Variants in SLC1A2 observed in about 807,000 individuals in gnomAD.
SLC1A2 encodes solute carrier family 1 member 2.
In SLC1A2, 15 loss-of-function variants were observed where a neutral mutation model predicts 48.8. That is an observed-to-expected ratio of 0.31 (90% CI 0.21 to 0.47). The LOEUF is 0.47. SLC1A2 is among the 20% of genes least tolerant of loss of function. The pLI is 0.99. For missense variants in SLC1A2, 502 were observed against 730.5 expected, an observed-to-expected ratio of 0.69 and a Z score of 3.61; for synonymous variants, 279 against 272.6, an observed-to-expected ratio of 1.02 and a Z score of -0.23.
chr11:35,391,914 G>A (rs1854781738), intron 1 of SLC1A2, among the ~76,000 whole-genome samples: 1 of 152,128 alleles, frequency 6.6e-6, no homozygotes, highest in East Asian at 1.9e-4. Context: ...AGGAAAGATT[G>A]CAAATATTTA....
intron 1 of SLC1A2, among the ~76,000 whole-genome samples, chr11:35,412,557 A>T (rs1456007939): frequency 6.6e-6 from 1 of 152,178 alleles, no homozygotes; most frequent in African/African-American, 2.4e-5. Flanking sequence ...ACACAGAAAT[A>T]CGCCTCTGAA....
At chr11:35,418,893 G>T in intron 1 of SLC1A2, 57 bp downstream of exon 1, 3 of 1,506,488 alleles carry the variant, frequency 2.0e-6, no homozygotes, top group Non-Finnish European at 2.7e-6. Flanking sequence ...GGATAGGGGC[G>T]CCACCACCCC....
In SLC1A2 at chr11:35,254,517, T is replaced by C; in HGVS notation, c.*6377A>G. On this transcript the variant is annotated 3_prime_UTR_variant, in exon 11 of 11. Transcript: ENST00000278379. ...GACCAACTTCCTTGGCTAGTGTGTG[T>C]ATTTGCCCCCTAGCAAAGGCAACAG... The C allele has an allele frequency of 3.4e-6, 1 of 294,034 alleles. No homozygotes were observed. Among genetic ancestry groups the C allele is most frequent in the South Asian group, 3.1e-5 (1 of 32,756 alleles). The allele number at this position is 294,034 out of a possible 1,614,324, so 18.2% of individuals were successfully genotyped here.
At chr11:35,365,277 G>A (rs936042702) in intron 1 of SLC1A2, among the ~76,000 whole-genome samples, 2 of 152,142 alleles carry the variant, frequency 1.3e-5, no homozygotes, top group Non-Finnish European at 2.9e-5. Flanking sequence ...ACTCCTCTAA[G>A]TGCCTCCAAA....
chr11:35,267,632 G>C (rs559057022), intron 9 of SLC1A2, among the ~76,000 whole-genome samples: 2 of 152,196 alleles, frequency 1.3e-5, no homozygotes, highest in Admixed American at 6.5e-5. Context: ...CTAACTAGCT[G>C]ACCTATTTGT....
At chr11:35,404,833 G>A (rs115855907) in intron 1 of SLC1A2, among the ~76,000 whole-genome samples, 2,391 of 152,296 alleles carry the variant, frequency 0.016, 61 homozygotes, top group African/African-American at 0.055. Context: ...TATATGCTTG[G>A]TTCTCGCAAC....
rs193165257 is a variant in SLC1A2, at chr11:35,347,080, G to A, written c.18-29564C>T. Among the ~76,000 whole-genome samples, 10 of 152,346 alleles carry A rather than the reference G, an allele frequency of 6.6e-5. No individual in the cohort carries two copies. The East Asian group carries it at 1.9e-3, about 29-fold the overall frequency. Reference sequence around the variant, plus strand: ...CTACTTTAAAAAGCTAGAAAAAGCTGAGGGAAGAAATTAGCTCTCCAACTG... The same window carrying A: ...CTACTTTAAAAAGCTAGAAAAAGCTAAGGGAAGAAATTAGCTCTCCAACTG... On this transcript the variant is annotated intron_variant, in intron 1 of 10. Coordinates refer to ENST00000278379, the MANE Select transcript of SLC1A2 (RefSeq NM_004171.4).
Position 35,254,884 on chromosome 11 carries a change from C to A in SLC1A2, c.*6010G>T. On this transcript the variant is annotated 3_prime_UTR_variant, in exon 11 of 11. Transcript: ENST00000278379. The stretch of plus-strand genomic sequence containing the variant: ...CTGGAGGTTGGAAAGTGAAGCAAGG[C>A]TGGACATAGAAAAAAACTGATCAGT... 4.6e-6 allele frequency: 2 copies of A among 437,982 alleles called. No individual in the cohort carries two copies. The highest frequency in any genetic ancestry group is 9.1e-6 in the Non-Finnish European group (2 of 220,710). 27.1% of individuals were successfully genotyped at this position (437,982 alleles called of 1,614,324 possible). A position where few individuals can be genotyped will look rare whatever the true frequency, so the allele number is the denominator to read the frequency against.
chr11:35,417,656 T>C (rs1357096220), intron 1 of SLC1A2, among the ~76,000 whole-genome samples: 1 of 152,124 alleles, frequency 6.6e-6, no homozygotes. Context: ...ATCAAAAAAG[T>C]CTAAACTGCA....
At chr11:35,374,991 A>G (rs1162532109) in intron 1 of SLC1A2, among the ~76,000 whole-genome samples, 1 of 152,210 alleles carries the variant, frequency 6.6e-6, no homozygotes, top group Non-Finnish European at 1.5e-5. Context: ...AAATTTTACC[A>G]TAGTTTAATT....
chr11:35,344,021 G>T (rs964588214), intron 1 of SLC1A2, among the ~76,000 whole-genome samples: 1 of 151,958 alleles, frequency 6.6e-6, no homozygotes, highest in Non-Finnish European at 1.5e-5. Flanking sequence ...GCCCCACTGA[G>T]AACTCAGATC....
chr11:35,279,997 C>T (rs1306035099), intron 9 of SLC1A2, among the ~76,000 whole-genome samples: 5 of 152,182 alleles, frequency 3.3e-5, no homozygotes, highest in Admixed American at 1.3e-4. Context: ...TACAACAAAA[C>T]GTACCCATTT....
chr11:35,384,242 A>G (rs1341307441), intron 1 of SLC1A2, among the ~76,000 whole-genome samples: 1 of 152,234 alleles, frequency 6.6e-6, no homozygotes, highest in Non-Finnish European at 1.5e-5. Context: ...TGATTCATCA[A>G]CGAAGTCAGT....
intron 9 of SLC1A2, among the ~76,000 whole-genome samples, chr11:35,276,070 C>T (rs888002720): frequency 5.9e-5 from 9 of 152,150 alleles, no homozygotes; most frequent in Non-Finnish European, 7.3e-5. Flanking sequence ...AAGGAATGCT[C>T]GTGCTTATTT....
At chr11:35,413,334 C>T (rs966091019) in intron 1 of SLC1A2, among the ~76,000 whole-genome samples, 23 of 152,232 alleles carry the variant, frequency 1.5e-4, no homozygotes, top group African/African-American at 5.3e-4. Context: ...CTTTGCCACT[C>T]ACTGGCTGTA....
At chr11:35,261,053 G>C (rs1950387179) in intron 10 of SLC1A2, 88 bp from the exon 11 acceptor site, 5 of 884,256 alleles carry the variant, frequency 5.7e-6, no homozygotes, top group South Asian at 4.0e-5. Flanking sequence ...CCAAATCCAA[G>C]ATTATACTAC....
intron 5 of SLC1A2, among the ~76,000 whole-genome samples, chr11:35,303,729 C>T (rs1426077693): frequency 1.3e-5 from 2 of 152,124 alleles, no homozygotes; most frequent in South Asian, 2.1e-4. Flanking sequence ...TTTAAAGGAA[C>T]AGTTGGAGTT....
intron 5 of SLC1A2, among the ~76,000 whole-genome samples, chr11:35,303,009 A>G (rs1403705938): frequency 6.6e-6 from 1 of 151,404 alleles, no homozygotes; most frequent in African/African-American, 2.4e-5. Flanking sequence ...AGTATGAGCC[A>G]TCTTCTCTTT....
At chr11:35,374,059 G>C (rs1232383548) in intron 1 of SLC1A2, among the ~76,000 whole-genome samples, 4 of 152,192 alleles carry the variant, frequency 2.6e-5, no homozygotes, top group African/African-American at 9.7e-5. Context: ...GATTATGTTA[G>C]TAGATATGTC....
Sources: allele counts gnomAD v4.1 joint callset (sites outside exome capture counted in the v4.1 genomes callset), GRCh38; gene constraint gnomAD v4.1.1; transcripts MANE v1.5; gene names NCBI Gene and HGNC (gene_info 2026-07-23, HGNC 2026-07-21).